SLC7A14: variants seen among roughly 807,000 people sequenced by gnomAD.
SLC7A14 encodes the protein solute carrier family 7 member 14, also known as gamma-aminobutyric acid transporter SLC7A14.
Under a neutral mutation model 60.2 loss-of-function variants are expected in SLC7A14, and 37 were observed. That is an observed-to-expected ratio of 0.61 (90% CI 0.47 to 0.81). The LOEUF is 0.81. SLC7A14 is among the 30% of genes least tolerant of loss of function. The pLI, the probability that SLC7A14 is intolerant of heterozygous loss-of-function variation, is 0.00. For missense variants in SLC7A14, 886 were observed against 982.7 expected (o/e 0.90, Z 1.32); for synonymous variants, 399 against 395.8 (o/e 1.01, Z -0.10).
At chr3:170,474,955 C>G (rs1242155976) in intron 7 of SLC7A14, among the ~76,000 whole-genome samples, 1 of 152,192 alleles carries the variant, frequency 6.6e-6, no homozygotes. Flanking sequence ...CGAAGGATGC[C>G]CTGGAAGATA....
chr3:170,541,291 A>G (rs946367295), intron 1 of SLC7A14, among the ~76,000 whole-genome samples: 1 of 152,246 alleles, frequency 6.6e-6, no homozygotes, highest in African/African-American at 2.4e-5. Flanking sequence ...AACTGTTAAA[A>G]TATTGTTTAA....
chr3:170,506,597 T>A (rs755298063), intron 2 of SLC7A14, among the ~76,000 whole-genome samples: 9 of 152,236 alleles, frequency 5.9e-5, no homozygotes, highest in Non-Finnish European at 8.8e-5. Flanking sequence ...CTATCATATA[T>A]GTAAATAAAG....
At chr3:170,489,902 T>C (rs1161764928) in intron 4 of SLC7A14, among the ~76,000 whole-genome samples, 1 of 147,912 alleles carries the variant, frequency 6.8e-6, no homozygotes, top group Non-Finnish European at 1.5e-5. Flanking sequence ...ACAATTGAAC[T>C]CATGGACACA....
intron 1 of SLC7A14, among the ~76,000 whole-genome samples, chr3:170,580,543 T>A (rs769858465): frequency 3.3e-5 from 5 of 152,216 alleles, no homozygotes; most frequent in Non-Finnish European, 7.3e-5. Context: ...TAGTCCCATA[T>A]GCAACAAAGG....
Position 170,572,172 on chromosome 3 carries a change from T to C in SLC7A14, c.-153+13739A>G, listed in dbSNP as rs181087153. Among the ~76,000 whole-genome samples, 190 of 152,216 alleles carry C rather than the reference T, an allele frequency of 1.2e-3. 1 individual carries two copies. Among genetic ancestry groups the C allele is most frequent in the African/African-American group, 4.5e-3 (186 of 41,544 alleles). On this transcript the variant is annotated intron_variant, in intron 1 of 7. Coordinates refer to ENST00000231706, the MANE Select transcript of SLC7A14 (RefSeq NM_020949.3). ...TAATTCTCTGCTAAGGCAATGAAGA[T>C]AGACCTGCAAAGTCATTCTTATTAT...
chr3:170,550,095 C>T (rs1225589154), intron 1 of SLC7A14, among the ~76,000 whole-genome samples: 1 of 152,208 alleles, frequency 6.6e-6, no homozygotes, highest in Non-Finnish European at 1.5e-5. Context: ...CAGTGGTCCT[C>T]AATTCTATTA....
intron 1 of SLC7A14, among the ~76,000 whole-genome samples, chr3:170,584,989 C>G (rs1365835921): frequency 2.0e-5 from 3 of 152,162 alleles, no homozygotes; most frequent in Non-Finnish European, 4.4e-5. Context: ...TCTAGCCTTC[C>G]TGCATCTCTT....
At chr3:170,555,374 T>C (rs1714459522) in intron 1 of SLC7A14, among the ~76,000 whole-genome samples, 1 of 152,128 alleles carries the variant, frequency 6.6e-6, no homozygotes, top group East Asian at 1.9e-4. Context: ...TATACAATAT[T>C]GTATCCTGCT....
At chr3:170,474,288 TG>T (rs1245553572) in intron 7 of SLC7A14, among the ~76,000 whole-genome samples, 2 of 152,234 alleles carry the variant, frequency 1.3e-5, no homozygotes. Context: ...GCCAGCTCTG[TG>T]CCCTCCACCT....
intron 4 of SLC7A14, among the ~76,000 whole-genome samples, chr3:170,488,314 A>G (rs368069641): frequency 9.9e-5 from 15 of 152,144 alleles, no homozygotes; most frequent in African/African-American, 3.4e-4. Flanking sequence ...TTCCAGAAGA[A>G]AAGAGAACTC....
chr3:170,477,366 A>G (rs1405482554), intron 7 of SLC7A14, among the ~76,000 whole-genome samples: 2 of 152,000 alleles, frequency 1.3e-5, no homozygotes, highest in African/African-American at 2.4e-5. Context: ...TTAGTATATA[A>G]CCATTTAGGC....
intron 5 of SLC7A14, 132 bp downstream of exon 5, chr3:170,486,090 T>G: frequency 1.8e-6 from 2 of 1,135,398 alleles, no homozygotes; most frequent in Non-Finnish European, 2.4e-6. Flanking sequence ...TCATGGGGAG[T>G]GGGGAATGGG....
intron 2 of SLC7A14, among the ~76,000 whole-genome samples, chr3:170,503,863 C>T (rs958629124): frequency 3.3e-5 from 5 of 152,136 alleles, no homozygotes; most frequent in Non-Finnish European, 7.3e-5. Flanking sequence ...TGGACCAGTC[C>T]ATTGCTGTCT....
At chr3:170,530,595 T>G (rs1713645764) in intron 1 of SLC7A14, among the ~76,000 whole-genome samples, 1 of 152,196 alleles carries the variant, frequency 6.6e-6, no homozygotes, top group African/African-American at 2.4e-5. Flanking sequence ...CCTTGGAGGC[T>G]TTTATTCAGG....
At chr3:170,489,190 A>G (rs35496024) in intron 4 of SLC7A14, among the ~76,000 whole-genome samples, 15,778 of 152,266 alleles carry the variant, frequency 0.1, 1,176 homozygotes, top group African/African-American at 0.21. Flanking sequence ...AATAGGAGAA[A>G]ATATCTGTAA....
At chr3:170,470,016 T>C (rs963029877) in intron 7 of SLC7A14, among the ~76,000 whole-genome samples, 1 of 152,074 alleles carries the variant, frequency 6.6e-6, no homozygotes, top group South Asian at 2.1e-4. Context: ...TCTAAAAACC[T>C]TGAGTCATAG....
intron 1 of SLC7A14, among the ~76,000 whole-genome samples, chr3:170,549,698 A>T (rs540650432): frequency 9.8e-5 from 15 of 152,336 alleles, no homozygotes; most frequent in African/African-American, 2.9e-4. Flanking sequence ...TTGAACAGTG[A>T]CACGAAGATT....
chr3:170,476,316 T>C (rs1711614367), intron 7 of SLC7A14, among the ~76,000 whole-genome samples: 2 of 152,218 alleles, frequency 1.3e-5, no homozygotes, highest in South Asian at 4.1e-4. Context: ...ATCATGATAC[T>C]AAAGCAGTTA....
At chr3:170,529,998 A>G (rs1404279483) in intron 1 of SLC7A14, among the ~76,000 whole-genome samples, 1 of 152,120 alleles carries the variant, frequency 6.6e-6, no homozygotes, top group African/African-American at 2.4e-5. Context: ...GGATTTCTAG[A>G]CTCCAGAATG....
Sources: gnomAD v4.1 joint callset for allele counts (sites outside exome capture counted in the v4.1 genomes callset) on GRCh38, gnomAD v4.1.1 for gene constraint, MANE v1.5 for transcripts, NCBI Gene and HGNC (gene_info 2026-07-23, HGNC 2026-07-21) for gene names.